PCYT1A: variants seen among roughly 807,000 people sequenced by gnomAD.
PCYT1A encodes phosphate cytidylyltransferase 1A, choline.
Under a neutral mutation model 43.7 loss-of-function variants are expected in PCYT1A, and 25 were observed. The observed-to-expected ratio is 0.57, with a 90% CI of 0.42 to 0.80. The LOEUF is 0.80. Ranked by LOEUF, PCYT1A falls within the 30% of genes least tolerant of loss-of-function variation. The probability of loss-of-function intolerance (pLI) is 0.00; values close to 1 mark genes in which losing one functional copy is unlikely to be tolerated. For missense variants in PCYT1A, 421 were observed against 474.2 expected, an observed-to-expected ratio of 0.89 and a Z score of 1.04; for synonymous variants, 172 against 170.7, an observed-to-expected ratio of 1.01 and a Z score of -0.06.
chr3:196,248,907 C>T (rs534069000), intron 3 of PCYT1A, among the ~76,000 whole-genome samples: 14 of 152,094 alleles, frequency 9.2e-5, no homozygotes, highest in Middle Eastern at 3.4e-3. Flanking sequence ...CAGGCGCCCA[C>T]CACCAAGCCC....
Position 196,252,186 on chromosome 3 carries a change from A to G in PCYT1A, c.218-3863T>C, listed in dbSNP as rs1208234387. ...GGCTACAGCGCACACCACTACGCTC[A>G]GCTGATTTTTGTATTTTTTGTACAG... On this transcript the variant is annotated intron_variant, in intron 3 of 8. Transcript: ENST00000431016. The surrounding 1 kb of genome is among the most constrained non-coding windows in gnomAD (Gnocchi z 4.0). Among the ~76,000 whole-genome samples the G allele has an allele frequency of 2.0e-5, 3 of 150,386 alleles. No individual in the cohort carries two copies.
chr3:196,274,848 T>C (rs148535728), intron 1 of PCYT1A, among the ~76,000 whole-genome samples: 1 of 152,370 alleles, frequency 6.6e-6, no homozygotes, highest in East Asian at 1.9e-4. Context: ...AAGTGAAAGA[T>C]GAGCACCACC....
At chr3:196,281,444 G>A (rs1486708720) in intron 1 of PCYT1A, among the ~76,000 whole-genome samples, 6 of 152,128 alleles carry the variant, frequency 3.9e-5, no homozygotes, top group Admixed American at 2.0e-4. Flanking sequence ...ACAGCTAGCT[G>A]GCCAAAGATG....
At chr3:196,263,404 G>A (rs1725173250) in intron 2 of PCYT1A, among the ~76,000 whole-genome samples, 1 of 151,920 alleles carries the variant, frequency 6.6e-6, no homozygotes, top group Non-Finnish European at 1.5e-5. Flanking sequence ...TTTTTGTAGG[G>A]ACAGTGTCTC....
At chr3:196,241,035 TG>T (rs1724330458) in intron 7 of PCYT1A, among the ~76,000 whole-genome samples, 1 of 149,386 alleles carries the variant, frequency 6.7e-6, no homozygotes, top group Non-Finnish European at 1.5e-5. Flanking sequence ...GGCTCATGCC[TG>T]TAATCCCAGC....
At chr3:196,274,191 C>T (rs1480479796) in intron 1 of PCYT1A, among the ~76,000 whole-genome samples, 1 of 152,252 alleles carries the variant, frequency 6.6e-6, no homozygotes, top group Non-Finnish European at 1.5e-5. Flanking sequence ...GGAGCAGGCA[C>T]TTCAAGCCTG....
chr3:196,257,761 C>T, intron 3 of PCYT1A, 27 bp downstream of exon 3: 1 of 1,348,384 alleles, frequency 7.4e-7, no homozygotes, highest in Non-Finnish European at 1.1e-6. Flanking sequence ...AATAGTCAAA[C>T]AACAAATTAA....
chr3:196,244,549 G>T (rs1304233035), intron 5 of PCYT1A, among the ~76,000 whole-genome samples: 1 of 152,166 alleles, frequency 6.6e-6, no homozygotes, highest in Non-Finnish European at 1.5e-5. Flanking sequence ...CTACTGGGAG[G>T]TGAGGAGCCC....
rs1276961362 is a variant in PCYT1A at position 196,273,307 on chromosome 3, TC to T, written c.-10-2767del. Among the ~76,000 whole-genome samples, 2 of 152,214 alleles carry T rather than the reference TC, an allele frequency of 1.3e-5. No homozygotes were observed. The highest frequency in any genetic ancestry group is 2.4e-5 in the African/African-American group (1 of 41,448). ...CTTTCTCTCTCCTCTCTTCTCTCTT[TC>T]TGTTGCCCACAGCGTGGCAAGCAGT... On this transcript the variant is annotated intron_variant, in intron 1 of 8. Coordinates refer to ENST00000431016, the MANE Select transcript of PCYT1A (RefSeq NM_001312673.2). This position sits in a 1 kb window ranked among gnomAD's most constrained non-coding sequence, Gnocchi z 4.1.
chr3:196,257,682 G>C (rs1724988894), intron 3 of PCYT1A, 106 bp downstream of exon 3: 1 of 682,476 alleles, frequency 1.5e-6, no homozygotes, highest in Non-Finnish European at 2.6e-6. Context: ...GCTGGCCTTT[G>C]CAAGTAAACA....
At chr3:196,253,836 G>A (rs1724873230) in intron 3 of PCYT1A, among the ~76,000 whole-genome samples, 1 of 151,782 alleles carries the variant, frequency 6.6e-6, no homozygotes. Context: ...TTACCAAGTG[G>A]CTATTGGCCA....
intron 1 of PCYT1A, among the ~76,000 whole-genome samples, chr3:196,271,231 C>T (rs1725422786): frequency 6.6e-6 from 1 of 151,882 alleles, no homozygotes; most frequent in Non-Finnish European, 1.5e-5. Flanking sequence ...GTTGCCCAGG[C>T]TGGTCTTGAA....
At position 196,282,453 on chromosome 3, in the gene PCYT1A, T is replaced by C. The variant is rs1332538022; in HGVS notation, c.-11+5162A>G. On this transcript the variant is annotated intron_variant, in intron 1 of 8. Coordinates refer to ENST00000431016, the MANE Select transcript of PCYT1A (RefSeq NM_001312673.2). This position sits in a 1 kb window ranked among gnomAD's most constrained non-coding sequence, Gnocchi z 4.3. ...ATAGAATTCAGGAAGTCTGTGAATT[T>C]GGATGAAAAAGACTGTATCTTTATT... Among the ~76,000 whole-genome samples, 1 of 152,208 alleles carries C rather than the reference T, an allele frequency of 6.6e-6. No individual in the cohort carries two copies. Among genetic ancestry groups the C allele is most frequent in the Non-Finnish European group, 1.5e-5 (1 of 68,036 alleles).
intron 2 of PCYT1A, among the ~76,000 whole-genome samples, chr3:196,261,789 CAAA>C (rs72143123): frequency 6.3e-5 from 8 of 126,300 alleles, no homozygotes; most frequent in Non-Finnish European, 6.8e-5. Flanking sequence ...AACTCCATCT[CAAA>C]AAAAAAAAAA....
rs967568312 is a variant in PCYT1A, at chr3:196,234,806, A to G, written c.*3882T>C. ...TGGTATAATCCCAAGAACATGTTCT[A>G]CTTATTTACTTGGAAAAATAGAAGC... On this transcript the variant is annotated 3_prime_UTR_variant, in exon 9 of 9. Transcript: ENST00000431016. 5 of 152,220 alleles carry G rather than the reference A, an allele frequency of 3.3e-5. No individual in the cohort carries two copies. Among genetic ancestry groups the G allele is most frequent in the Admixed American group, 2.0e-4 (3 of 15,288 alleles). 9.4% of individuals were successfully genotyped at this position (152,220 alleles called of 1,614,324 possible).
chr3:196,253,411 A>C (rs1330376296), intron 3 of PCYT1A, among the ~76,000 whole-genome samples: 1 of 151,794 alleles, frequency 6.6e-6, no homozygotes, highest in Non-Finnish European at 1.5e-5. Context: ...TTCCCTAAAC[A>C]AGTCCAGAGG....
intron 1 of PCYT1A, among the ~76,000 whole-genome samples, chr3:196,276,778 T>TA (rs771322118): frequency 6.6e-6 from 1 of 151,732 alleles, no homozygotes; most frequent in Non-Finnish European, 1.5e-5. Context: ...TATTTGCAGT[T>TA]ACGAAAAATT....
At chr3:196,258,867 G>A (rs778646631) in intron 2 of PCYT1A, among the ~76,000 whole-genome samples, 6 of 152,114 alleles carry the variant, frequency 3.9e-5, no homozygotes, top group Admixed American at 1.3e-4. Context: ...GATTACAGGC[G>A]TGAGCCACCG....
At chr3:196,275,809 A>G (rs1725570250) in intron 1 of PCYT1A, among the ~76,000 whole-genome samples, 1 of 152,070 alleles carries the variant, frequency 6.6e-6, no homozygotes, top group Non-Finnish European at 1.5e-5. Flanking sequence ...ATAATAAATA[A>G]TAATGCAGCC....
Sources: allele counts gnomAD v4.1 joint callset (sites outside exome capture counted in the v4.1 genomes callset), GRCh38; gene constraint gnomAD v4.1.1; non-coding constraint Gnocchi (gnomAD v3.1); transcripts MANE v1.5; gene names NCBI Gene and HGNC (gene_info 2026-07-23, HGNC 2026-07-21).